The following NAALADL2 variants were observed in gnomAD, a reference collection of about 807,000 sequenced individuals.
NAALADL2 encodes N-acetylated alpha-linked acidic dipeptidase like 2, also known as inactive N-acetylated-alpha-linked acidic dipeptidase-like protein 2.
In NAALADL2, 76 loss-of-function variants were observed where a neutral mutation model predicts 87.2. That is an observed-to-expected ratio of 0.87 (90% CI 0.72 to 1.05). The LOEUF is 1.05. Ranked by LOEUF, NAALADL2 falls within the 50% of genes least tolerant of loss-of-function variation. The pLI is 0.00. For missense variants in NAALADL2, 1,089 were observed against 945.8 expected (o/e 1.15, Z -1.99); for synonymous variants, 354 against 331.0 (o/e 1.07, Z -0.75).
At chr3:175,742,531 G>A (rs988868172) in intron 12 of NAALADL2, among the ~76,000 whole-genome samples, 3 of 151,762 alleles carry the variant, frequency 2.0e-5, no homozygotes, top group Non-Finnish European at 4.4e-5. Flanking sequence ...CCGAGTAGCT[G>A]GGACTACAGG....
chr3:174,925,385 G>A (rs1195549116), intron 1 of NAALADL2, among the ~76,000 whole-genome samples: 1 of 152,162 alleles, frequency 6.6e-6, no homozygotes, highest in East Asian at 1.9e-4. Context: ...GGTTGTAGAT[G>A]TGTGGTATTA....
At chr3:174,473,477 A>G (rs1042558616) in intron 1 of NAALADL2, among the ~76,000 whole-genome samples, 2 of 152,088 alleles carry the variant, frequency 1.3e-5, no homozygotes, top group Non-Finnish European at 2.9e-5. Context: ...TTATTTTTCT[A>G]TGTTAATGGA....
At chr3:175,007,217 T>A (rs1429615318) in intron 1 of NAALADL2, among the ~76,000 whole-genome samples, 1 of 151,400 alleles carries the variant, frequency 6.6e-6, no homozygotes, top group Admixed American at 6.6e-5. Context: ...TATAACCTAT[T>A]GTAGTGCTAG....
intron 1 of NAALADL2, among the ~76,000 whole-genome samples, chr3:175,072,098 C>T (rs760150202): frequency 5.9e-5 from 9 of 152,008 alleles, no homozygotes; most frequent in Non-Finnish European, 1.0e-4. Flanking sequence ...TCAAAATAAG[C>T]TCTAGAGTTT....
chr3:174,694,051 C>T (rs1728815795), intron 2 of NAALADL2, among the ~76,000 whole-genome samples: 1 of 152,122 alleles, frequency 6.6e-6, no homozygotes, highest in African/African-American at 2.4e-5. Context: ...CTTACATACA[C>T]CTCTGCAAAT....
chr3:174,829,097 TTTG>T (rs143504378), intron 3 of NAALADL2, among the ~76,000 whole-genome samples: 239 of 150,374 alleles, frequency 1.6e-3, no homozygotes, highest in Non-Finnish European at 2.4e-3. Context: ...TCTGTTTTTT[TTTG>T]TTGTTGTTGT....
chr3:174,457,881 C>T (rs1559996191), intron 1 of NAALADL2, among the ~76,000 whole-genome samples: 1 of 151,618 alleles, frequency 6.6e-6, no homozygotes, highest in Non-Finnish European at 1.5e-5. Context: ...AGCAAACTAA[C>T]AGAGGAACAG....
chr3:175,340,369 G>T (rs1762447217), intron 5 of NAALADL2, among the ~76,000 whole-genome samples: 1 of 152,092 alleles, frequency 6.6e-6, no homozygotes, highest in Admixed American at 6.6e-5. Context: ...TATCAGGATG[G>T]AAAACAAGGA....
At chr3:174,911,699 G>T (rs966167226) in intron 1 of NAALADL2, among the ~76,000 whole-genome samples, 1 of 152,182 alleles carries the variant, frequency 6.6e-6, no homozygotes, top group South Asian at 2.1e-4. Flanking sequence ...AATGAAAGGA[G>T]CCCTAGTACA....
chr3:175,432,656 G>A lies in NAALADL2; in HGVS notation c.1091-14573G>A, dbSNP rs541941861. ...CCTACAGTCATTTTCTGTAGAGTTC[G>A]AAACATATATGGAAAAACCCTGTCA... On this transcript the variant is annotated intron_variant, in intron 5 of 13. Transcript: ENST00000454872. Among the ~76,000 whole-genome samples, 5 of 151,998 alleles carry A rather than the reference G, an allele frequency of 3.3e-5. No homozygotes were observed. In the East Asian group the frequency reaches 5.8e-4, roughly 18 times the overall value.
intron 1 of NAALADL2, among the ~76,000 whole-genome samples, chr3:174,453,172 G>A (rs1426218661): frequency 6.6e-6 from 1 of 152,030 alleles, no homozygotes; most frequent in Non-Finnish European, 1.5e-5. Context: ...AGAAAACTGA[G>A]GAAAGAGTCT....
rs531688967 is a variant in NAALADL2 at position 174,719,950 on chromosome 3, C to T, written c.-114-17691C>T. ...CTGAGTAGCTGAGACTGCAGGCATGCGCCACCATGCCCAACTAATTTTTGT... is the reference window on the plus strand; with the variant it reads ...CTGAGTAGCTGAGACTGCAGGCATGTGCCACCATGCCCAACTAATTTTTGT... On this transcript the variant is annotated intron_variant, in intron 2 of 3. Transcript: ENST00000434257. 6.8e-4 allele frequency among the ~76,000 whole-genome samples: 104 copies of T among 152,202 alleles called. No individual in the cohort carries two copies. The Middle Eastern group carries it at 0.01, about 15-fold the overall frequency.
At chr3:174,787,604 T>TATACACAC (rs1716929613) in intron 3 of NAALADL2, among the ~76,000 whole-genome samples, 2 of 87,944 alleles carry the variant, frequency 2.3e-5, no homozygotes, top group African/African-American at 3.6e-5. Flanking sequence ...TATATATATA[T>TATACACAC]ATATATATAT....
intron 1 of NAALADL2, among the ~76,000 whole-genome samples, chr3:174,916,827 G>A (rs2108329225): frequency 6.6e-6 from 1 of 152,108 alleles, no homozygotes; most frequent in South Asian, 2.1e-4. Flanking sequence ...ACTTATCCAT[G>A]TAACCAGAAA....
rs577236525 is a variant in NAALADL2 at position 174,471,205 on chromosome 3, CT to C, written c.-184+30184del. 9.5e-3 allele frequency among the ~76,000 whole-genome samples: 1,393 copies of C among 146,014 alleles called. 18 individuals are homozygous for C. The highest frequency in any genetic ancestry group is 0.028 in the African/African-American group (1,128 of 40,014). ...ATTGTAACTTAAGGTTAAAACCTTA[CT>C]TTTTTTTTTTATATTTCAACCTATA... On this transcript the variant is annotated intron_variant, in intron 1 of 3. Coordinates refer to the NAALADL2 transcript ENST00000434257.
chr3:174,542,123 C>G (rs1399793), intron 1 of NAALADL2, among the ~76,000 whole-genome samples: 107,735 of 152,052 alleles, frequency 0.71, 38,370 homozygotes, highest in Admixed American at 0.75. Context: ...TTTGTAAACT[C>G]TCATGGTGCT....
chr3:175,599,089 A>G (rs1722617479), intron 10 of NAALADL2, among the ~76,000 whole-genome samples: 1 of 152,116 alleles, frequency 6.6e-6, no homozygotes, highest in South Asian at 2.1e-4. Context: ...TGGCAATAAC[A>G]TATTAGCAAA....
chr3:174,804,283 A>G (rs1340937195), intron 3 of NAALADL2, among the ~76,000 whole-genome samples: 1 of 151,944 alleles, frequency 6.6e-6, no homozygotes, highest in African/African-American at 2.4e-5. Context: ...CTATTGTTGT[A>G]TAGGAATGCT....
chr3:175,769,341 C>A (rs971541055), intron 13 of NAALADL2, among the ~76,000 whole-genome samples: 1 of 152,126 alleles, frequency 6.6e-6, no homozygotes, highest in African/African-American at 2.4e-5. Flanking sequence ...AATATGTAAT[C>A]ACAAACTTTA....
Sources: allele counts gnomAD v4.1 joint callset (sites outside exome capture counted in the v4.1 genomes callset), GRCh38; gene constraint gnomAD v4.1.1; transcripts MANE v1.5; gene names NCBI Gene and HGNC (gene_info 2026-07-23, HGNC 2026-07-21).